CAST: variants seen among roughly 807,000 people sequenced by gnomAD.
CAST encodes MIR583 host.
Under a neutral mutation model 119.6 loss-of-function variants are expected in CAST, and 76 were observed. The ratio of observed to expected loss-of-function variants is 0.64; its 90% CI spans 0.53 to 0.77. CAST has a LOEUF of 0.77. Among genes scored for constraint, CAST ranks in the 30% least tolerant of loss-of-function variants. The pLI, the probability that CAST is intolerant of heterozygous loss-of-function variation, is 0.00. For missense variants in CAST, 953 were observed against 946.5 expected, an observed-to-expected ratio of 1.01 and a Z score of -0.09; for synonymous variants, 319 against 331.6, an observed-to-expected ratio of 0.96 and a Z score of 0.41.
chr5:96,289,180 C>T, the CAST span, among the ~76,000 whole-genome samples: 1 of 151,446 alleles, frequency 6.6e-6, no homozygotes, highest in Non-Finnish European at 1.5e-5. Context: ...TTATTTTTCT[C>T]CTTCTATGTT....
chr5:96,528,245 A>C (rs907378853), upstream of CAST, among the ~76,000 whole-genome samples: 7 of 152,194 alleles, frequency 4.6e-5, no homozygotes, highest in African/African-American at 1.4e-4. Context: ...AGCCTCATTC[A>C]TAATAAAGCA....
At chr5:96,709,764 A>C (rs868580906) in intron 3 of CAST, among the ~76,000 whole-genome samples, 3 of 152,196 alleles carry the variant, frequency 2.0e-5, no homozygotes, top group Admixed American at 1.3e-4. Context: ...ACAGAAATAG[A>C]CATATATTAT....
At chr5:96,377,177 T>G in the CAST span, among the ~76,000 whole-genome samples, 1 of 151,898 alleles carries the variant, frequency 6.6e-6, no homozygotes, top group Non-Finnish European at 1.5e-5. Flanking sequence ...AAATTTTAAT[T>G]TTTAATTTTT....
chr5:96,499,604 A>G, the CAST span, among the ~76,000 whole-genome samples: 3 of 152,354 alleles, frequency 2.0e-5, no homozygotes, highest in East Asian at 5.8e-4. Context: ...TAAGACAACA[A>G]CGAAGTTTGT....
At chr5:96,099,204 C>T in the CAST span, among the ~76,000 whole-genome samples, 2 of 152,288 alleles carry the variant, frequency 1.3e-5, no homozygotes, top group East Asian at 1.9e-4. Context: ...AGTTATTTAT[C>T]AGTTTAAGAA....
the CAST span, among the ~76,000 whole-genome samples, chr5:96,351,203 G>A: frequency 5.9e-5 from 9 of 152,254 alleles, 2 homozygotes; most frequent in African/African-American, 2.2e-4. Context: ...TAACTCTGTA[G>A]TTGAGTGTGT....
the CAST span, among the ~76,000 whole-genome samples, chr5:96,012,730 C>T: frequency 6.6e-6 from 1 of 152,164 alleles, no homozygotes; most frequent in Non-Finnish European, 1.5e-5. Flanking sequence ...ATTGGCCCCT[C>T]CCCAAATTTA....
At chr5:96,514,522 C>A in the CAST span, among the ~76,000 whole-genome samples, 3 of 152,094 alleles carry the variant, frequency 2.0e-5, no homozygotes, top group African/African-American at 7.2e-5. Flanking sequence ...AGAGAGAGAA[C>A]CCAATCTTAC....
the CAST span, among the ~76,000 whole-genome samples, chr5:96,190,330 G>A: frequency 6.6e-6 from 1 of 152,296 alleles, no homozygotes; most frequent in African/African-American, 2.4e-5. Context: ...TTCAGTGTGT[G>A]TGAGTGGGGA....
chr5:96,662,232 G>T (rs963407524), upstream of CAST: 138 of 597,734 alleles, frequency 2.3e-4, no homozygotes, highest in Middle Eastern at 4.9e-4. Flanking sequence ...GGGCAGGAAG[G>T]GGAGGGCCCA....
At chr5:96,599,956 C>T (rs1747115105) in intron 1 of CAST, among the ~76,000 whole-genome samples, 2 of 88,450 alleles carry the variant, frequency 2.3e-5, no homozygotes. Context: ...TGTATTATTG[C>T]TTCATTAGGC....
chr5:96,076,105 A>T, the CAST span, among the ~76,000 whole-genome samples: 2 of 152,112 alleles, frequency 1.3e-5, no homozygotes, highest in Non-Finnish European at 2.9e-5. Context: ...CTAGGTCAAG[A>T]TGGTCTGTTT....
chr5:96,541,376 A>T (rs1036337694), intron 1 of CAST, among the ~76,000 whole-genome samples: 3 of 152,028 alleles, frequency 2.0e-5, no homozygotes, highest in Non-Finnish European at 2.9e-5. Flanking sequence ...TGACACTACA[A>T]GTTGCTAGGC....
chr5:96,261,293 G>A, the CAST span, among the ~76,000 whole-genome samples: 1 of 152,212 alleles, frequency 6.6e-6, no homozygotes, highest in Non-Finnish European at 1.5e-5. Context: ...GTCTGAGAAA[G>A]CTAAGAGGCT....
chr5:96,020,921 T>C, the CAST span, among the ~76,000 whole-genome samples: 1 of 148,804 alleles, frequency 6.7e-6, no homozygotes. Flanking sequence ...CTGTAGTCCT[T>C]TAACTTAATG....
chr5:95,996,385 T>C, the CAST span, among the ~76,000 whole-genome samples: 8 of 152,186 alleles, frequency 5.3e-5, no homozygotes, highest in Non-Finnish European at 1.2e-4. Flanking sequence ...CTTTCCTGAT[T>C]CTGTGAGTCA....
At chr5:96,450,178 C>A in the CAST span, among the ~76,000 whole-genome samples, 81 of 152,222 alleles carry the variant, frequency 5.3e-4, no homozygotes, top group African/African-American at 1.9e-3. Context: ...GAGATGACGA[C>A]TGGATTTTAA....
At chr5:96,216,027 C>T in the CAST span, among the ~76,000 whole-genome samples, 2 of 152,046 alleles carry the variant, frequency 1.3e-5, no homozygotes, top group Admixed American at 6.6e-5. Flanking sequence ...AGGCTGGTCT[C>T]GAACTCCTGG....
chr5:96,272,896 TAAAG>T, the CAST span, among the ~76,000 whole-genome samples: 2 of 152,110 alleles, frequency 1.3e-5, no homozygotes, highest in Admixed American at 6.5e-5. Context: ...AATAAAAAAA[TAAAG>T]AGAATGACTT....
Sources: allele counts gnomAD v4.1 joint callset (sites outside exome capture counted in the v4.1 genomes callset), GRCh38; gene constraint gnomAD v4.1.1; transcripts MANE v1.5; gene names NCBI Gene and HGNC (gene_info 2026-07-23, HGNC 2026-07-21).